The following SENP2 variants were observed in gnomAD, a reference collection of about 807,000 sequenced individuals.
SENP2 encodes SUMO specific peptidase 2.
Under a neutral mutation model 86.3 loss-of-function variants are expected in SENP2, and 16 were observed. That is an observed-to-expected ratio of 0.19 (90% CI 0.13 to 0.28). The LOEUF is 0.28. Among genes scored for constraint, SENP2 ranks in the 10% least tolerant of loss-of-function variants. SENP2 has a pLI of 1.00. For missense variants in SENP2, 552 were observed against 703.0 expected, an observed-to-expected ratio of 0.79 and a Z score of 2.43; for synonymous variants, 222 against 238.7, an observed-to-expected ratio of 0.93 and a Z score of 0.64.
intron 6 of SENP2, 124 bp downstream of exon 6, chr3:185,606,622 C>A: frequency 1.2e-6 from 1 of 836,848 alleles, no homozygotes; most frequent in Non-Finnish European, 1.8e-6. Flanking sequence ...ACAATACAGC[C>A]TCCAACAAAA....
intron 2 of SENP2, 26 bp from the exon 3 acceptor site, chr3:185,598,386 A>C: frequency 6.2e-7 from 1 of 1,607,854 alleles, no homozygotes; most frequent in East Asian, 2.2e-5. Context: ...ATTACTTTAT[A>C]TTTACAGTTT....
intron 3 of SENP2, 136 bp downstream of exon 3, chr3:185,598,681 A>G (rs1057028251): frequency 1.1e-6 from 1 of 885,688 alleles, no homozygotes; most frequent in Non-Finnish European, 1.7e-6. Context: ...TAGCTGTGCT[A>G]TAAAGGCCAA....
Position 185,611,655 on chromosome 3 carries a change from CAAA to C in SENP2, c.728_730del (p.Gln243del). On this transcript the variant is annotated inframe_deletion, in exon 8 of 17. Coordinates refer to ENST00000296257, the MANE Select transcript of SENP2 (RefSeq NM_021627.3). The stretch of plus-strand genomic sequence containing the variant: ...CTCACTTTTTGTGTTTCTAAGTTCT[CAAA>C]GAAGTCAGATGGACACATTAAAGAC... 6.2e-7 allele frequency: 1 copy of C among 1,611,114 alleles called. No individual in the cohort carries two copies. Among genetic ancestry groups the C allele is most frequent in the Admixed American group, 1.7e-5 (1 of 59,894 alleles).
chr3:185,609,494 A>G (rs1211797865), intron 7 of SENP2, 144 bp downstream of exon 7: 14 of 597,068 alleles, frequency 2.3e-5, no homozygotes, highest in Non-Finnish European at 4.1e-5. Context: ...ATATTTATCT[A>G]GTAATGGATA....
intron 16 of SENP2, 78 bp downstream of exon 16, chr3:185,626,471 AG>A: frequency 1.1e-6 from 1 of 944,492 alleles, no homozygotes; most frequent in South Asian, 1.5e-5. Context: ...GCACACATTC[AG>A]CTCTCAATAG....
intron 16 of SENP2, among the ~76,000 whole-genome samples, chr3:185,627,299 A>C (rs1194292129): frequency 6.6e-6 from 1 of 152,152 alleles, no homozygotes; most frequent in Non-Finnish European, 1.5e-5. Flanking sequence ...AGAAAGAGGT[A>C]TGTCAGTGTT....
At chr3:185,590,867 CAAAAAAAAAAAAA>C (rs1196821162) in intron 2 of SENP2, among the ~76,000 whole-genome samples, 3 of 13,528 alleles carry the variant, frequency 2.2e-4, no homozygotes, top group Non-Finnish European at 3.8e-4. Flanking sequence ...CACTCCATCT[CAAAAAAAAAAAAA>C]AAAAAAAAAA....
chr3:185,591,643 G>T (rs898029262), intron 2 of SENP2, among the ~76,000 whole-genome samples: 1 of 152,086 alleles, frequency 6.6e-6, no homozygotes, highest in Non-Finnish European at 1.5e-5. Context: ...GAGCCCCCGC[G>T]CCTGGCCCTA....
intron 1 of SENP2, among the ~76,000 whole-genome samples, chr3:185,587,375 C>A (rs1341877219): frequency 1.3e-5 from 2 of 152,036 alleles, no homozygotes; most frequent in African/African-American, 4.8e-5. Flanking sequence ...TCAAGTGATC[C>A]GCCCACCCCA....
chr3:185,589,407 A>G lies in SENP2; in HGVS notation c.102-707A>G, dbSNP rs78263789. 2.7e-3 allele frequency among the ~76,000 whole-genome samples: 412 copies of G among 152,326 alleles called. 1 individual carries two copies. The highest frequency in any genetic ancestry group is 9.4e-3 in the African/African-American group (391 of 41,578). On this transcript the variant is annotated intron_variant, in intron 1 of 16. Transcript: ENST00000296257. Reference sequence around the variant, plus strand: ...TAAAAGATGGCTTTCTTTGGGGATCATTTTCAAAAGGAAATTGCTTGTTTG... The same window carrying G: ...TAAAAGATGGCTTTCTTTGGGGATCGTTTTCAAAAGGAAATTGCTTGTTTG...
intron 16 of SENP2, 86 bp from the exon 17 acceptor site, chr3:185,629,696 T>G: frequency 7.6e-7 from 1 of 1,311,004 alleles, no homozygotes; most frequent in South Asian, 1.2e-5. Context: ...ATGGACATCC[T>G]GCTTTATTAC....
At chr3:185,593,890 G>A (rs1369818592) in intron 2 of SENP2, among the ~76,000 whole-genome samples, 2 of 151,630 alleles carry the variant, frequency 1.3e-5, no homozygotes, top group Admixed American at 6.6e-5. Context: ...CACTATGCCC[G>A]GCTAATTTTT....
rs1253334268 is a variant in SENP2, at chr3:185,586,392, G to A, written c.-22G>A. ...GTTTGCGTCTCGGGGTGTGTCGGCC[G>A]CCGCTGCTGCTTGGGCCTGGTATGT... is the stretch of plus-strand genomic sequence containing the variant. On this transcript the variant is annotated 5_prime_UTR_variant, in exon 1 of 17. Coordinates refer to ENST00000296257, the MANE Select transcript of SENP2 (RefSeq NM_021627.3). The surrounding 1 kb of genome is among the most constrained non-coding windows in gnomAD (Gnocchi z 4.3). 2 of 1,613,018 alleles carry A rather than the reference G, an allele frequency of 1.2e-6. No homozygotes were observed. Among genetic ancestry groups the A allele is most frequent in the Non-Finnish European group, 1.7e-6 (2 of 1,179,712 alleles).
intron 4 of SENP2, 120 bp downstream of exon 4, chr3:185,599,144 T>C (rs1289489780): frequency 2.8e-6 from 2 of 704,888 alleles, no homozygotes; most frequent in Admixed American, 2.9e-5. Flanking sequence ...ACATTCTTTC[T>C]ACCGTTCTAA....
intron 10 of SENP2, 30 bp downstream of exon 10, chr3:185,613,438 C>G (rs750087643): frequency 2.2e-5 from 30 of 1,350,690 alleles, no homozygotes; most frequent in African/African-American, 2.9e-5. Flanking sequence ...ACATTTGATA[C>G]CTGTTTACTT....
Position 185,624,100 on chromosome 3 carries a change from A to G in SENP2, c.1611+18A>G. 1.3e-6 allele frequency: 2 copies of G among 1,559,246 alleles called. No individual in the cohort carries two copies. The highest frequency in any genetic ancestry group is 1.8e-6 in the Non-Finnish European group (2 of 1,135,036). The stretch of plus-strand genomic sequence containing the variant: ...AACCACACGTGAGTGACGATCATCT[A>G]CATGTGACATACTTGGTTGCATTTA... On this transcript the variant is annotated intron_variant, in intron 15 of 16. Transcript: ENST00000296257.
intron 11 of SENP2, 22 bp downstream of exon 11, chr3:185,614,762 C>T (rs368419427): frequency 6.9e-6 from 11 of 1,600,204 alleles, no homozygotes; most frequent in Non-Finnish European, 9.4e-6. Flanking sequence ...TGTATTGATC[C>T]TAAAAAGAGG....
chr3:185,600,336 C>T (rs1322826812), intron 4 of SENP2, among the ~76,000 whole-genome samples: 1 of 152,124 alleles, frequency 6.6e-6, no homozygotes, highest in Non-Finnish European at 1.5e-5. Context: ...GGTCCATAAT[C>T]GGTTATCTGC....
intron 5 of SENP2, among the ~76,000 whole-genome samples, chr3:185,603,334 G>T (rs973894642): frequency 6.6e-6 from 1 of 152,166 alleles, no homozygotes; most frequent in African/African-American, 2.4e-5. Context: ...GCATTCAAAT[G>T]TATTGCACTG....
Sources: allele counts gnomAD v4.1 joint callset (sites outside exome capture counted in the v4.1 genomes callset), GRCh38; gene constraint gnomAD v4.1.1; non-coding constraint Gnocchi (gnomAD v3.1); transcripts MANE v1.5; gene names NCBI Gene and HGNC (gene_info 2026-07-23, HGNC 2026-07-21).